Variants in KIR3DL2 observed in about 807,000 individuals in gnomAD.
The protein encoded by KIR3DL2 is killer cell immunoglobulin like receptor, three Ig domains and long cytoplasmic tail 2.
A neutral mutation model predicts 41.6 loss-of-function variants in KIR3DL2; 42 were observed. That is an observed-to-expected ratio of 1.01 (90% CI 0.79 to 1.31). The LOEUF (loss-of-function observed/expected upper bound fraction) is 1.31. Ranked by LOEUF, KIR3DL2 falls within the 50% of genes most tolerant of loss-of-function variation. The pLI is 0.00. For missense variants in KIR3DL2, 728 were observed against 576.8 expected, an observed-to-expected ratio of 1.26 and a Z score of -2.68; for synonymous variants, 230 against 221.3, an observed-to-expected ratio of 1.04 and a Z score of -0.35.
chr19:54,853,220 A>T (rs1336688270), intron 3 of KIR3DL2, among the ~76,000 whole-genome samples: 2 of 151,678 alleles, frequency 1.3e-5, no homozygotes, highest in East Asian at 3.9e-4. Flanking sequence ...TCCACATAGG[A>T]AGGGGTTGAT....
chr19:54,865,750 C>A, intron 6 of KIR3DL2, 55 bp from the exon 7 acceptor site: 1 of 1,357,856 alleles, frequency 7.4e-7, no homozygotes, highest in Non-Finnish European at 1.0e-6. Context: ...ATGAGACAAT[C>A]CATAAAGAGG....
chr19:54,856,942 A>G (rs745897133), intron 5 of KIR3DL2, among the ~76,000 whole-genome samples: 94 of 152,238 alleles, frequency 6.2e-4, no homozygotes, highest in African/African-American at 2.0e-3. Context: ...ACCCACTGAT[A>G]GGCAGGTAGG....
intron 6 of KIR3DL2, among the ~76,000 whole-genome samples, chr19:54,859,476 A>C (rs1480831142): frequency 1.3e-5 from 2 of 151,860 alleles, no homozygotes; most frequent in Non-Finnish European, 2.9e-5. Context: ...ACATCTGATG[A>C]GGGTGGGTGT....
At position 54,855,762 on chromosome 19, in the gene KIR3DL2, C is replaced by T. The variant is rs937390156; in HGVS notation, c.799C>T (p.Arg267Cys). 108 of 1,613,278 alleles carry T rather than the reference C, an allele frequency of 6.7e-5. 1 individual carries two copies. Among genetic ancestry groups the T allele is most frequent in the Non-Finnish European group, 8.8e-5 (104 of 1,179,944 alleles). Reference protein sequence around the residue: ...REGEAHERRLRAVPKVNRTFQ... With the variant: ...REGEAHERRLCAVPKVNRTFQ... ...AGGGGAGGCCCATGAACGTAGGCTC[C>T]GTGCAGTGCCCAAGGTCAACAGAAC... The change falls in exon 5 of 9, where the codon CGT becomes TGT. Residue 267 changes from arginine to cysteine, a missense_variant. Transcript: ENST00000326321.
chr19:54,850,553 G>T, intron 1 of KIR3DL2, 44 bp downstream of exon 1: 2 of 1,603,678 alleles, frequency 1.2e-6, no homozygotes, highest in South Asian at 1.1e-5. Context: ...TGGGGATGGA[G>T]ATCTCGGCCT....
Position 54,866,910 on chromosome 19 carries a change from C to G in KIR3DL2, c.*179C>G. On this transcript the variant is annotated 3_prime_UTR_variant, in exon 9 of 9. Transcript: ENST00000326321. ...CACTGCCTGCTGCAGAGAAAACACA[C>G]TCCTTTGCTTAGCCCACAAGTATCT... 1 of 714,894 alleles carries G rather than the reference C, an allele frequency of 1.4e-6. No homozygotes were observed. Among genetic ancestry groups the G allele is most frequent in the South Asian group, 1.8e-5 (1 of 54,478 alleles). 44.3% of individuals were successfully genotyped at this position (714,894 alleles called of 1,614,324 possible). A position where few individuals can be genotyped will look rare whatever the true frequency, so the allele number is the denominator to read the frequency against.
rs555689831 is a variant in KIR3DL2 at position 54,851,688 on chromosome 19, G to A, written c.71-310G>A. On this transcript the variant is annotated intron_variant, in intron 2 of 8. Coordinates refer to ENST00000326321, the MANE Select transcript of KIR3DL2 (RefSeq NM_006737.4). ...AATCCTCTGAGGGGGCTCAGTTCATGAATTGGCTGATATTCCATTCACATA... is the reference window on the plus strand; with the variant it reads ...AATCCTCTGAGGGGGCTCAGTTCATAAATTGGCTGATATTCCATTCACATA... Among the ~76,000 whole-genome samples the A allele has an allele frequency of 2.0e-5, 3 of 151,830 alleles. No homozygotes were observed. The South Asian group carries it at 6.2e-4, about 32-fold the overall frequency.
rs3188286 is a variant in KIR3DL2 at position 54,852,264 on chromosome 19, C to G, written c.337C>G (p.Leu113Val). 0.18 allele frequency: 284,204 copies of G among 1,607,878 alleles called. 28,000 individuals carry two copies. The highest frequency in any genetic ancestry group is 0.2 in the Non-Finnish European group (233,567 of 1,177,100). ...TGGGTGGTCGGCACCCAGCAACCCC[C>G]TGGTGATCATGGTCACAGGTCAGAG... ...LTGWSAPSNP[L>V]VIMVTGNHRK... The change falls in exon 3 of 9, where the codon CTG becomes GTG. Residue 113 changes from leucine (L) to valine (V), a missense_variant. Coordinates refer to ENST00000326321, the MANE Select transcript of KIR3DL2 (RefSeq NM_006737.4).
chr19:54,855,382 A>C (rs1601759065), intron 4 of KIR3DL2, among the ~76,000 whole-genome samples: 1 of 151,704 alleles, frequency 6.6e-6, no homozygotes, highest in Non-Finnish European at 1.5e-5. Flanking sequence ...GGAGAGTCAG[A>C]GAGAATAAAA....
At position 54,855,686 on chromosome 19, in the gene KIR3DL2, C is replaced by T. The variant is rs2064696059; in HGVS notation, c.723C>T (p.Thr241=). The T allele has an allele frequency of 4.3e-6, 7 of 1,613,430 alleles. No individual in the cohort carries two copies. The highest frequency in any genetic ancestry group is 4.0e-5 in the African/African-American group (3 of 74,460). The part of the protein sequence containing the change: ...GPTVQAGENV[T]LSCSSWSSYD... The stretch of plus-strand genomic sequence containing the variant: ...CGGTTCAGGCAGGAGAGAACGTGAC[C>T]TTGTCCTGTAGCTCCTGGAGCTCCT... The change falls in exon 5 of 9, where the codon ACC becomes ACT. Residue 241 remains threonine (T), a synonymous_variant. Transcript: ENST00000326321.
chr19:54,852,782 C>A (rs1276225929), intron 3 of KIR3DL2, among the ~76,000 whole-genome samples: 1 of 150,498 alleles, frequency 6.6e-6, no homozygotes, highest in Non-Finnish European at 1.5e-5. Context: ...CCAGAGGGAA[C>A]GCAGCCCTGC....
chr19:54,851,268 C>T lies in KIR3DL2; in HGVS notation c.70+13C>T, dbSNP rs1430519524. On this transcript the variant is annotated intron_variant, in intron 2 of 8. Transcript: ENST00000326321. ...TGGCCACTCATGGGTGAGTCCGTCCCCAAACCTTAGGGTGTCATCTCCCCA... is the reference window on the plus strand; with the variant it reads ...TGGCCACTCATGGGTGAGTCCGTCCTCAAACCTTAGGGTGTCATCTCCCCA... 2 of 1,604,964 alleles carry T rather than the reference C, an allele frequency of 1.2e-6. No individual in the cohort carries two copies. The highest frequency in any genetic ancestry group is 1.4e-5 in the African/African-American group (1 of 73,520).
intron 2 of KIR3DL2, 94 bp from the exon 3 acceptor site, chr19:54,851,904 C>T: frequency 6.6e-7 from 1 of 1,504,994 alleles, no homozygotes; most frequent in East Asian, 2.5e-5. Flanking sequence ...TGGTAGGAGC[C>T]TTAGAAAGCG....
chr19:54,851,188 G>T (rs773942551), intron 1 of KIR3DL2, 32 bp from the exon 2 acceptor site: 1 of 1,610,200 alleles, frequency 6.2e-7, no homozygotes, highest in Non-Finnish European at 8.5e-7. Context: ...TTTGCCTGCA[G>T]TTGGATCGTC....
chr19:54,850,460 C>T lies in KIR3DL2; in HGVS notation c.-16C>T. The T allele has an allele frequency of 6.2e-7, 1 of 1,608,754 alleles. No individual in the cohort carries two copies. The highest frequency in any genetic ancestry group is 8.5e-7 in the Non-Finnish European group (1 of 1,179,928). Reference sequence around the variant, plus strand: ...GCTGAGCTGGGGCGCGGCCTCCTGTCTGCACCGGCAGCACCATGTCGCTCA... The same window carrying T: ...GCTGAGCTGGGGCGCGGCCTCCTGTTTGCACCGGCAGCACCATGTCGCTCA... On this transcript the variant is annotated 5_prime_UTR_variant, in exon 1 of 9. Coordinates refer to ENST00000326321, the MANE Select transcript of KIR3DL2 (RefSeq NM_006737.4).
At chr19:54,864,250 G>A (rs1025633894) in intron 6 of KIR3DL2, among the ~76,000 whole-genome samples, 1 of 152,158 alleles carries the variant, frequency 6.6e-6, no homozygotes, top group South Asian at 2.1e-4. Context: ...TGCTGTTTTG[G>A]TTACTGTAGC....
At chr19:54,863,616 G>A (rs201142198) in intron 6 of KIR3DL2, among the ~76,000 whole-genome samples, 6,399 of 152,022 alleles carry the variant, frequency 0.042, 173 homozygotes, top group Middle Eastern at 0.092. Context: ...GTCATGGTGA[G>A]CATTTTTTCA....
At chr19:54,857,659 C>T (rs375745387) in intron 5 of KIR3DL2, among the ~76,000 whole-genome samples, 3 of 151,754 alleles carry the variant, frequency 2.0e-5, no homozygotes, top group Non-Finnish European at 4.4e-5. Context: ...TCAACTGATT[C>T]TCCTGCCTCA....
intron 2 of KIR3DL2, 125 bp downstream of exon 2, chr19:54,851,380 C>G (rs2064220558): frequency 6.5e-6 from 7 of 1,069,326 alleles, no homozygotes; most frequent in Non-Finnish European, 1.4e-6. Context: ...GATACTCGGC[C>G]CACATTTCTG....
Sources: allele counts gnomAD v4.1 joint callset (sites outside exome capture counted in the v4.1 genomes callset), GRCh38; gene constraint gnomAD v4.1.1; transcripts MANE v1.5; gene names NCBI Gene and HGNC (gene_info 2026-07-23, HGNC 2026-07-21).